ZNF778: variants seen among roughly 807,000 people sequenced by gnomAD.
The protein encoded by ZNF778 is zinc finger protein 778.
Under a neutral mutation model 23.9 loss-of-function variants are expected in ZNF778, and 37 were observed. That is an observed-to-expected ratio of 1.54 (90% CI 1.19 to 2.03). The LOEUF is 2.03. Ranked by LOEUF, ZNF778 falls within the 30% of genes most tolerant of loss-of-function variation. The probability of loss-of-function intolerance (pLI) is 0.00; values close to 1 mark genes in which losing one functional copy is unlikely to be tolerated. For missense variants in ZNF778, 1,297 were observed against 934.4 expected, an observed-to-expected ratio of 1.39 and a Z score of -5.06; for synonymous variants, 483 against 343.9, an observed-to-expected ratio of 1.40 and a Z score of -4.48.
At position 89,233,491 on chromosome 16, in the gene ZNF778, A is replaced by T. The variant is rs34175485; in HGVS notation, c.*4929A>T. The T allele has an allele frequency of 1.2e-3, 88 of 74,398 alleles. 16 individuals are homozygous for T. The highest frequency in any genetic ancestry group is 2.1e-3 in the Non-Finnish European group (84 of 39,230). 4.6% of individuals were successfully genotyped at this position (74,398 alleles called of 1,614,324 possible). A position where few individuals can be genotyped will look rare whatever the true frequency, so the allele number is the denominator to read the frequency against. On this transcript the variant is annotated 3_prime_UTR_variant, in exon 7 of 7. Transcript: ENST00000433976. ...GTGTGCAACTCAACTCACACTGCGTATGCAACTCAGCTTGCTCTGTGTATG... is the reference window on the plus strand; with the variant it reads ...GTGTGCAACTCAACTCACACTGCGTTTGCAACTCAGCTTGCTCTGTGTATG...
intron 6 of ZNF778, 114 bp downstream of exon 6, chr16:89,225,745 A>G: frequency 3.1e-6 from 3 of 971,254 alleles, no homozygotes; most frequent in South Asian, 2.9e-5. Flanking sequence ...TCACTCAGGC[A>G]GGGGTTGTCT....
At position 89,227,188 on chromosome 16, in the gene ZNF778, G is replaced by A. The variant is rs745900772; in HGVS notation, c.900G>A (p.Val300=). The part of the protein sequence containing the change: ...FRYTAYLTGR[V]QVHPGEKPCE... ...ACACTGCCTACCTTACTGGTCGCGT[G>A]CAAGTCCACCCTGGGGAAAAGCCCT... The change falls in exon 7 of 7, where the codon GTG becomes GTA. Residue 300 remains valine (V), a synonymous_variant. Coordinates refer to ENST00000433976, the MANE Select transcript of ZNF778 (RefSeq NM_001201407.2). 20 of 1,613,822 alleles carry A rather than the reference G, an allele frequency of 1.2e-5. No homozygotes were observed. The highest frequency in any genetic ancestry group is 1.7e-5 in the Non-Finnish European group (20 of 1,179,872).
rs761449311 is a variant in ZNF778, at chr16:89,228,336, G to T, written c.2048G>T (p.Arg683Leu). Residue 683 changes from arginine to leucine, a missense_variant, in exon 7 of 7, where the codon CGT becomes CTT. By Grantham distance (102) the Arg-to-Leu change is moderately radical. Transcript: ENST00000433976. ...YICNECGKAF[R>L]ASSHLHKHGR... is the part of the protein sequence containing the mutation. Reference sequence around the variant, plus strand: ...TGTAACGAGTGTGGGAAAGCCTTCCGTGCCTCCTCTCACCTGCATAAACAT... The same window carrying T: ...TGTAACGAGTGTGGGAAAGCCTTCCTTGCCTCCTCTCACCTGCATAAACAT... 1.2e-6 allele frequency: 2 copies of T among 1,613,636 alleles called. No individual in the cohort carries two copies. Among genetic ancestry groups the T allele is most frequent in the East Asian group, 2.2e-5 (1 of 44,878 alleles).
At position 89,224,807 on chromosome 16, in the gene ZNF778, G is replaced by A; in HGVS notation, c.328+5G>A. On this transcript the variant is annotated splice_donor_5th_base_variant and intron_variant, in intron 5 of 6. Transcript: ENST00000433976. ...GGCGGAGAGCAGTTCTCCAAGGTAA[G>A]TGTGAAGAGCACGCCTGGTCGATGT... 1 of 1,527,648 alleles carries A rather than the reference G, an allele frequency of 6.5e-7. No individual in the cohort carries two copies. Among genetic ancestry groups the A allele is most frequent in the South Asian group, 1.2e-5 (1 of 83,858 alleles). The allele number at this position is 1,527,648 out of a possible 1,614,324, so 94.6% of individuals were successfully genotyped here. A position where few individuals can be genotyped will look rare whatever the true frequency, so the allele number is the denominator to read the frequency against.
chr16:89,220,406 T>C (rs1201513533), intron 1 of ZNF778, among the ~76,000 whole-genome samples: 3 of 151,992 alleles, frequency 2.0e-5, no homozygotes, highest in African/African-American at 4.8e-5. Flanking sequence ...GCCTGTAATC[T>C]CAACACTTTG....
intron 5 of ZNF778, among the ~76,000 whole-genome samples, chr16:89,225,139 G>A (rs556787809): frequency 9.1e-5 from 10 of 110,098 alleles, no homozygotes; most frequent in African/African-American, 1.9e-4. Context: ...TTTTTGAGAC[G>A]GAGTCTTGCT....
At position 89,227,959 on chromosome 16, in the gene ZNF778, G is replaced by A. The variant is rs1360371008; in HGVS notation, c.1671G>A (p.Glu557=). ...ATGAGCATGTGAAAACTCACACAGA[G>A]GAGAAGCCCTTTATATGTACGGTAT... ...LLNEHVKTHT[E]EKPFICTVCR... The change falls in exon 7 of 7, where the codon GAG becomes GAA. Residue 557 remains glutamate, a synonymous_variant. Coordinates refer to ENST00000433976, the MANE Select transcript of ZNF778 (RefSeq NM_001201407.2). 12 of 1,589,904 alleles carry A rather than the reference G, an allele frequency of 7.5e-6. No individual in the cohort carries two copies. Among genetic ancestry groups the A allele is most frequent in the African/African-American group, 1.3e-5 (1 of 74,380 alleles).
In ZNF778 at chr16:89,226,945, C is replaced by CTGGG. The variant is rs1178738782; in HGVS notation, c.657_658insTGGG (p.Thr220TrpfsTer8). ...CAAATGTTGTTTCCCAGCAAGCATG[C>CTGGG]ACTCGGGACAGATCTCTTGACTACA... On this transcript the variant is annotated frameshift_variant, in exon 7 of 7. Transcript: ENST00000433976. LOFTEE classifies it low-confidence loss of function (END_TRUNC). 2 of 1,614,006 alleles carry CTGGG rather than the reference C, an allele frequency of 1.2e-6. No individual in the cohort carries two copies. The highest frequency in any genetic ancestry group is 1.7e-5 in the Admixed American group (1 of 60,022).
chr16:89,217,896 C>T lies in ZNF778; in HGVS notation c.-146C>T, dbSNP rs544707909. ...TCGCGGTAGACCCGGGCAGCGCTTCCATTCCGCGGAGCTGGTGAGAGAGGG... is the reference window on the plus strand; with the variant it reads ...TCGCGGTAGACCCGGGCAGCGCTTCTATTCCGCGGAGCTGGTGAGAGAGGG... On this transcript the variant is annotated 5_prime_UTR_variant, in exon 1 of 7. Transcript: ENST00000433976. 10 of 152,416 alleles carry T rather than the reference C, an allele frequency of 6.6e-5. No individual in the cohort carries two copies. The East Asian group carries it at 1.7e-3, about 26-fold the overall frequency. The allele number at this position is 152,416 out of a possible 1,614,324, so 9.4% of individuals were successfully genotyped here.
chr16:89,226,752 G>C lies in ZNF778; in HGVS notation c.464G>C (p.Ser155Thr). ...CDRTQCGEAF[S>T]EHSGLSTHVR... ...CGCACGCAGTGTGGAGAAGCTTTCAGTGAACACTCAGGCCTCAGCACACAC... is the reference window on the plus strand; with the variant it reads ...CGCACGCAGTGTGGAGAAGCTTTCACTGAACACTCAGGCCTCAGCACACAC... Residue 155 changes from serine to threonine, a missense_variant, in exon 7 of 7, where the codon AGT becomes ACT. Ser to Thr is a moderately conservative substitution (Grantham distance 58). Coordinates refer to ENST00000433976, the MANE Select transcript of ZNF778 (RefSeq NM_001201407.2). 6.2e-7 allele frequency: 1 copy of C among 1,614,004 alleles called. No homozygotes were observed.
chr16:89,228,919 C>T lies in ZNF778; in HGVS notation c.*357C>T, dbSNP rs2031743951. 9.9e-7 allele frequency: 1 copy of T among 1,011,818 alleles called. No homozygotes were observed. The allele number at this position is 1,011,818 out of a possible 1,614,324, so 62.7% of individuals were successfully genotyped here. A position where few individuals can be genotyped will look rare whatever the true frequency, so the allele number is the denominator to read the frequency against. ...TGTTGGGAAGTCATTTTTTACATTA[C>T]ATCTTTCCTCACCCTTTAGTAAACG... On this transcript the variant is annotated 3_prime_UTR_variant, in exon 7 of 7. Transcript: ENST00000433976.
In ZNF778 at chr16:89,227,043, CATGGAA is replaced by C; in HGVS notation, c.762_767del (p.Trp255_Lys256del). ...GCGGGAAGTCACAACGGAGAAGAAA[CATGGAA>C]ATGGAAGCCGTGTGGGAAAGCTCTA... On this transcript the variant is annotated inframe_deletion, in exon 7 of 7. Coordinates refer to ENST00000433976, the MANE Select transcript of ZNF778 (RefSeq NM_001201407.2). 6.2e-7 allele frequency: 1 copy of C among 1,613,934 alleles called. No individual in the cohort carries two copies.
intron 3 of ZNF778, among the ~76,000 whole-genome samples, chr16:89,222,590 CTGATCTCAAG>C (rs1451372096): frequency 6.6e-6 from 1 of 152,250 alleles, no homozygotes; most frequent in African/African-American, 2.4e-5. Flanking sequence ...TCTTGAACTG[CTGATCTCAAG>C]TGATCCACCC....
intron 5 of ZNF778, among the ~76,000 whole-genome samples, chr16:89,225,215 A>T (rs1398020679): frequency 1.4e-5 from 2 of 139,442 alleles, no homozygotes; most frequent in East Asian, 4.2e-4. Flanking sequence ...TCCTGGGTTC[A>T]CTCAGTTCTT....
Position 89,221,032 on chromosome 16 carries a change from A to G in ZNF778, c.-96A>G, listed in dbSNP as rs2151628883. 2 of 1,389,280 alleles carry G rather than the reference A, an allele frequency of 1.4e-6. No homozygotes were observed. The highest frequency in any genetic ancestry group is 1.0e-6 in the Non-Finnish European group (1 of 1,004,088). The allele number at this position is 1,389,280 out of a possible 1,614,324, so 86.1% of individuals were successfully genotyped here. A position where few individuals can be genotyped will look rare whatever the true frequency, so the allele number is the denominator to read the frequency against. On this transcript the variant is annotated 5_prime_UTR_variant, in exon 2 of 7. An upstream start codon of the reference 5' UTR is lost. Transcript: ENST00000433976. ...TCCAGCCATCCGTGGGTCAGGAGGA[A>G]TGGAGACTGTACCTTCCACATAGAT... is the stretch of plus-strand genomic sequence containing the variant.
chr16:89,219,824 C>T (rs1425363589), intron 1 of ZNF778, among the ~76,000 whole-genome samples: 2 of 152,262 alleles, frequency 1.3e-5, no homozygotes, highest in African/African-American at 2.4e-5. Flanking sequence ...ATTAAAAGAT[C>T]TGCAGAGTGT....
intron 3 of ZNF778, among the ~76,000 whole-genome samples, chr16:89,222,428 A>G (rs886444413): frequency 6.6e-6 from 1 of 152,136 alleles, no homozygotes; most frequent in African/African-American, 2.4e-5. Flanking sequence ...CAATGGCCCA[A>G]TCTCGGCTCA....
chr16:89,225,537 A>AC lies in ZNF778; in HGVS notation c.329-18_329-17insC. ...CAATGAGTTTGATCGTTTTTAGGTC[A>AC]TTCTTCTTTCTTTTCAGAATGGCGA... is the stretch of plus-strand genomic sequence containing the variant. On this transcript the variant is annotated splice_polypyrimidine_tract_variant and intron_variant, in intron 5 of 6. Coordinates refer to ENST00000433976, the MANE Select transcript of ZNF778 (RefSeq NM_001201407.2). 6 of 1,474,660 alleles carry AC rather than the reference A, an allele frequency of 4.1e-6. No individual in the cohort carries two copies. Among genetic ancestry groups the AC allele is most frequent in the Non-Finnish European group, 4.7e-6 (5 of 1,071,924 alleles). 91.3% of individuals were successfully genotyped at this position (1,474,660 alleles called of 1,614,324 possible). A position where few individuals can be genotyped will look rare whatever the true frequency, so the allele number is the denominator to read the frequency against.
At position 89,230,047 on chromosome 16, in the gene ZNF778, G is replaced by A. The variant is rs66697325; in HGVS notation, c.*1485G>A. The A allele has an allele frequency of 0.11, 107,691 of 976,202 alleles. 6,246 individuals carry two copies. Among genetic ancestry groups the A allele is most frequent in the Non-Finnish European group, 0.12 (96,166 of 821,766 alleles). The allele number at this position is 976,202 out of a possible 1,614,324, so 60.5% of individuals were successfully genotyped here. On this transcript the variant is annotated 3_prime_UTR_variant, in exon 7 of 7. Transcript: ENST00000433976. ...GTCTTAAGTATCCAGATGGGATCCTGTATGAGCAGCGTAGGCTCTGGTTGG... is the reference window on the plus strand; with the variant it reads ...GTCTTAAGTATCCAGATGGGATCCTATATGAGCAGCGTAGGCTCTGGTTGG...
Sources: allele counts gnomAD v4.1 joint callset (sites outside exome capture counted in the v4.1 genomes callset), GRCh38; gene constraint gnomAD v4.1.1; transcripts MANE v1.5; gene names NCBI Gene and HGNC (gene_info 2026-07-23, HGNC 2026-07-21).